Variants in PIP5K1B observed in about 807,000 individuals in gnomAD.
PIP5K1B encodes phosphatidylinositol-4-phosphate 5-kinase type 1 beta.
Under a neutral mutation model 67.0 loss-of-function variants are expected in PIP5K1B, and 42 were observed. The ratio of observed to expected loss-of-function variants is 0.63; its 90% CI spans 0.49 to 0.81. PIP5K1B has a LOEUF of 0.81. Ranked by LOEUF, PIP5K1B falls within the 30% of genes least tolerant of loss-of-function variation. The pLI, the probability that PIP5K1B is intolerant of heterozygous loss-of-function variation, is 0.00. For synonymous variants in PIP5K1B, 214 were observed against 231.4 expected, an observed-to-expected ratio of 0.92 and a Z score of 0.68; for missense variants, 459 against 646.3, an observed-to-expected ratio of 0.71 and a Z score of 3.14.
At chr9:68,769,070 C>G (rs1830564534) in intron 2 of PIP5K1B, among the ~76,000 whole-genome samples, 1 of 152,128 alleles carries the variant, frequency 6.6e-6, no homozygotes, top group Non-Finnish European at 1.5e-5. Flanking sequence ...CTTGTTTATT[C>G]CCAGTAATGC....
chr9:68,924,443 C>G (rs2132549415), intron 12 of PIP5K1B, among the ~76,000 whole-genome samples: 2 of 145,086 alleles, frequency 1.4e-5, no homozygotes, highest in South Asian at 2.3e-4. Context: ...AGAAAAATCT[C>G]AAATCTATAC....
At chr9:68,840,260 C>G (rs1296634897) in intron 4 of PIP5K1B, among the ~76,000 whole-genome samples, 1 of 151,980 alleles carries the variant, frequency 6.6e-6, no homozygotes, top group African/African-American at 2.4e-5. Context: ...GCCTGTAATC[C>G]CAGCTACTTG....
intron 8 of PIP5K1B, among the ~76,000 whole-genome samples, chr9:68,908,687 C>T (rs1169809934): frequency 6.6e-6 from 1 of 152,158 alleles, no homozygotes; most frequent in Non-Finnish European, 1.5e-5. Flanking sequence ...ACTAAACTGG[C>T]ACAATACAAG....
At chr9:68,915,204 C>T (rs1453382291) in intron 8 of PIP5K1B, among the ~76,000 whole-genome samples, 1 of 152,050 alleles carries the variant, frequency 6.6e-6, no homozygotes, top group African/African-American at 2.4e-5. Context: ...GCTCTTCATC[C>T]CTCATCCCCC....
chr9:69,006,741 A>C (rs1044705849), intron 15 of PIP5K1B, among the ~76,000 whole-genome samples: 2 of 152,312 alleles, frequency 1.3e-5, no homozygotes, highest in Non-Finnish European at 2.9e-5. Context: ...ACTGGAAATG[A>C]GACACAGAAC....
chr9:68,974,161 C>T (rs1829525733), intron 14 of PIP5K1B, among the ~76,000 whole-genome samples: 1 of 152,190 alleles, frequency 6.6e-6, no homozygotes, highest in African/African-American at 2.4e-5. Flanking sequence ...TGAGTCACCA[C>T]ACCCAGCCTT....
chr9:68,749,096 C>T (rs1457236032), intron 2 of PIP5K1B, among the ~76,000 whole-genome samples: 1 of 152,126 alleles, frequency 6.6e-6, no homozygotes, highest in Non-Finnish European at 1.5e-5. Flanking sequence ...CTCATGGTCC[C>T]CCAAAGATAT....
chr9:68,765,988 C>T (rs903340710), intron 2 of PIP5K1B, among the ~76,000 whole-genome samples: 7 of 152,126 alleles, frequency 4.6e-5, no homozygotes, highest in African/African-American at 1.7e-4. Context: ...TTCATGATAG[C>T]ATTGTTTCTA....
intron 8 of PIP5K1B, among the ~76,000 whole-genome samples, chr9:68,898,783 C>T (rs1825218750): frequency 6.6e-6 from 1 of 152,204 alleles, no homozygotes; most frequent in South Asian, 2.1e-4. Context: ...CATGGCTCTG[C>T]CCCCTCCTCA....
At chr9:68,766,042 T>A (rs1564117834) in intron 2 of PIP5K1B, among the ~76,000 whole-genome samples, 1 of 152,208 alleles carries the variant, frequency 6.6e-6, no homozygotes, top group African/African-American at 2.4e-5. Flanking sequence ...TAGTAGATAA[T>A]CAAATTATGG....
At chr9:68,822,858 T>C (rs1833797463) in intron 4 of PIP5K1B, among the ~76,000 whole-genome samples, 175 bp downstream of exon 4, 1 of 152,238 alleles carries the variant, frequency 6.6e-6, no homozygotes, top group South Asian at 2.1e-4. Context: ...TGCATTATCT[T>C]ATAGTTCAGT....
In PIP5K1B at chr9:68,705,257, C is replaced by G. The variant is rs894499454; in HGVS notation, c.-748C>G. Among the ~76,000 whole-genome samples, 1 of 151,834 alleles carries G rather than the reference C, an allele frequency of 6.6e-6. No individual in the cohort carries two copies. Among genetic ancestry groups the G allele is most frequent in the African/African-American group, 2.4e-5 (1 of 41,402 alleles). ...AGCCGGCTCTCTCTGCGCCTCGCTC[C>G]GACTCCGGCGCGCACCAAGCGGGAA... On this transcript the variant is annotated 5_prime_UTR_variant, in exon 1 of 16. Transcript: ENST00000265382.
At chr9:68,772,746 C>T (rs1830726961) in intron 2 of PIP5K1B, among the ~76,000 whole-genome samples, 1 of 152,124 alleles carries the variant, frequency 6.6e-6, no homozygotes, top group Non-Finnish European at 1.5e-5. Context: ...CTCTATAATA[C>T]TATTTAGCCT....
intron 14 of PIP5K1B, among the ~76,000 whole-genome samples, chr9:68,964,295 T>C (rs903112329): frequency 1.6e-4 from 24 of 151,948 alleles, no homozygotes; most frequent in African/African-American, 5.8e-4. Context: ...TTCTTAAGGG[T>C]TTATAAAAGG....
intron 7 of PIP5K1B, among the ~76,000 whole-genome samples, chr9:68,889,930 T>C (rs753119916): frequency 6.6e-5 from 10 of 152,196 alleles, no homozygotes; most frequent in Non-Finnish European, 1.2e-4. Flanking sequence ...AGGCCTTAAG[T>C]GCTTTGCATT....
intron 2 of PIP5K1B, chr9:68,786,128 T>C (rs1831599971): frequency 6.6e-6 from 1 of 152,190 alleles, no homozygotes; most frequent in South Asian, 2.1e-4. Flanking sequence ...GTCTGTGAAA[T>C]AAGGCTATCA....
At chr9:68,903,008 C>T (rs1022162295) in intron 8 of PIP5K1B, among the ~76,000 whole-genome samples, 2 of 152,172 alleles carry the variant, frequency 1.3e-5, no homozygotes, top group East Asian at 1.9e-4. Context: ...AAAAGGCCTG[C>T]GATACAGGAG....
chr9:69,003,478 A>G (rs1830918787), intron 15 of PIP5K1B, among the ~76,000 whole-genome samples: 1 of 142,204 alleles, frequency 7.0e-6, no homozygotes, highest in African/African-American at 2.6e-5. Context: ...AAAAAAAAAA[A>G]GGGGGGGGGA....
In PIP5K1B at chr9:68,819,789, A is replaced by G. The variant is rs555741149; in HGVS notation, c.-1+1244A>G. On this transcript the variant is annotated intron_variant, in intron 3 of 15. Coordinates refer to ENST00000265382, the MANE Select transcript of PIP5K1B (RefSeq NM_003558.4). ...TCTCCGACTCCAATGCCCCTGGTTA[A>G]TAGGTTTATGTGACCTTTGTTAAAC... Among the ~76,000 whole-genome samples the G allele has an allele frequency of 5.3e-4, 80 of 152,282 alleles. 1 individual carries two copies. Among genetic ancestry groups the G allele is most frequent in the African/African-American group, 1.7e-3 (70 of 41,570 alleles).
Sources: allele counts gnomAD v4.1 joint callset (sites outside exome capture counted in the v4.1 genomes callset), GRCh38; gene constraint gnomAD v4.1.1; transcripts MANE v1.5; gene names NCBI Gene and HGNC (gene_info 2026-07-23, HGNC 2026-07-21).